STON2: variants seen among roughly 807,000 people sequenced by gnomAD.
STON2 encodes stonin 2.
A neutral mutation model predicts 65.7 loss-of-function variants in STON2; 29 were observed. The observed-to-expected ratio is 0.44, with a 90% CI of 0.33 to 0.60. STON2 has a LOEUF of 0.60. Ranked by LOEUF, STON2 falls within the 20% of genes least tolerant of loss-of-function variation. The pLI is 0.03. For synonymous variants in STON2, 404 were observed against 414.2 expected (o/e 0.98, Z 0.30); for missense variants, 1,054 against 1,118.1 (o/e 0.94, Z 0.82).
chr14:81,381,217 GA>G (rs2140394976), intron 3 of STON2, among the ~76,000 whole-genome samples: 1 of 152,270 alleles, frequency 6.6e-6, no homozygotes, highest in South Asian at 2.1e-4. Flanking sequence ...GTCAAAGTGT[GA>G]AGGCTATATA....
At chr14:81,432,222 G>A (rs143915708) in intron 1 of STON2, among the ~76,000 whole-genome samples, 20 of 152,170 alleles carry the variant, frequency 1.3e-4, no homozygotes, top group East Asian at 3.9e-4. Flanking sequence ...TTTATTTCCC[G>A]TGTCACATTA....
At position 81,269,589 on chromosome 14, in the gene STON2, C is replaced by G. The variant is rs183844608; in HGVS notation, c.2784+1081G>C. The G allele has an allele frequency of 4.9e-3, 4,865 of 985,246 alleles. 16 individuals carry two copies. The highest frequency in any genetic ancestry group is 0.014 in the Middle Eastern group (27 of 1,914). The allele number at this position is 985,246 out of a possible 1,614,324, so 61.0% of individuals were successfully genotyped here. On this transcript the variant is annotated intron_variant, in intron 7 of 7. Coordinates refer to ENST00000614646, the MANE Select transcript of STON2 (RefSeq NM_001394390.1). ...ACAACAGTCAGGTTTGAGGGAGGTG[C>G]TATTTTTTTCCTAGCCACAAGATGG...
chr14:81,358,484 G>C (rs1048279091), intron 4 of STON2, among the ~76,000 whole-genome samples: 2 of 152,010 alleles, frequency 1.3e-5, no homozygotes, highest in Non-Finnish European at 2.9e-5. Flanking sequence ...AGAAAGGAAG[G>C]AAAATGTATC....
intron 5 of STON2, among the ~76,000 whole-genome samples, chr14:81,312,462 T>G (rs1896462568): frequency 6.6e-6 from 1 of 152,234 alleles, no homozygotes; most frequent in Admixed American, 6.5e-5. Context: ...TGCTTTCTAC[T>G]GAAACTTAAT....
chr14:81,343,209 T>C (rs749668566), intron 4 of STON2, among the ~76,000 whole-genome samples: 4 of 152,048 alleles, frequency 2.6e-5, no homozygotes, highest in East Asian at 1.9e-4. Context: ...GAGAATTGGA[T>C]TGATATATGC....
At chr14:81,365,488 G>T (rs865964705) in intron 4 of STON2, among the ~76,000 whole-genome samples, 2 of 152,194 alleles carry the variant, frequency 1.3e-5, no homozygotes, top group South Asian at 4.1e-4. Context: ...AGGTGCAGTG[G>T]CTCATGCCTT....
intron 5 of STON2, among the ~76,000 whole-genome samples, chr14:81,300,904 T>C (rs1353202359): frequency 6.6e-6 from 1 of 152,106 alleles, no homozygotes; most frequent in Non-Finnish European, 1.5e-5. Flanking sequence ...TTATTAATAA[T>C]AGTGAAAACC....
chr14:81,362,950 CAT>C (rs1319750076), intron 4 of STON2, among the ~76,000 whole-genome samples: 1 of 152,142 alleles, frequency 6.6e-6, no homozygotes, highest in Non-Finnish European at 1.5e-5. Flanking sequence ...GAAATAAGCA[CAT>C]GATGGGGGTT....
chr14:81,422,256 C>T (rs973836905), intron 2 of STON2, among the ~76,000 whole-genome samples: 6 of 152,036 alleles, frequency 3.9e-5, no homozygotes, highest in African/African-American at 9.7e-5. Flanking sequence ...TCAGTTCCTG[C>T]GAGAACTGAA....
In STON2 at chr14:81,277,104, C is replaced by G; in HGVS notation, c.2378G>C (p.Ser793Thr). ...CCTGCGGAAGTTTTTCACCCACTCA[C>G]TGGGCACAGGGTAACGGATCATCAC... ...ENVMIRYPVP[S>T]EWVKNFRRES... is the part of the protein sequence containing the mutation. Residue 793 changes from serine to threonine, a missense_variant, in exon 6 of 8, where the codon AGT becomes ACT. Ser to Thr is a moderately conservative substitution (Grantham distance 58, BLOSUM62 1). Coordinates refer to ENST00000614646, the MANE Select transcript of STON2 (RefSeq NM_001394390.1). The G allele has an allele frequency of 6.2e-7, 1 of 1,614,232 alleles. No homozygotes were observed. The highest frequency in any genetic ancestry group is 2.2e-5 in the East Asian group (1 of 44,888).
intron 5 of STON2, among the ~76,000 whole-genome samples, chr14:81,289,376 C>G (rs536780193): frequency 6.6e-6 from 1 of 152,130 alleles, no homozygotes; most frequent in South Asian, 2.1e-4. Flanking sequence ...AAAAAAGGAC[C>G]AGATTTATAA....
intron 4 of STON2, among the ~76,000 whole-genome samples, chr14:81,363,970 A>T (rs192314741): frequency 6.6e-6 from 1 of 152,188 alleles, no homozygotes. Flanking sequence ...AGAGACATGC[A>T]GCCCAGGCGA....
chr14:81,299,312 TGTAATA>T (rs1376429099), intron 5 of STON2, among the ~76,000 whole-genome samples: 1 of 152,204 alleles, frequency 6.6e-6, no homozygotes, highest in Non-Finnish European at 1.5e-5. Context: ...TTACATTAAC[TGTAATA>T]GTAATACTAT....
At chr14:81,391,073 T>C (rs1900056105) in intron 3 of STON2, among the ~76,000 whole-genome samples, 1 of 152,212 alleles carries the variant, frequency 6.6e-6, no homozygotes. Flanking sequence ...GGCCCACAGA[T>C]AATCCAGAAT....
chr14:81,433,249 G>C (rs1260643886), intron 1 of STON2, among the ~76,000 whole-genome samples: 1 of 152,250 alleles, frequency 6.6e-6, no homozygotes, highest in Non-Finnish European at 1.5e-5. Flanking sequence ...TTGAAGTCAT[G>C]TAACAGATGG....
rs970366586 is a variant in STON2, at chr14:81,431,240, G to A, written c.-309-4028C>T. On this transcript the variant is annotated intron_variant, in intron 1 of 8. Coordinates refer to the STON2 transcript ENST00000553821. The stretch of plus-strand genomic sequence containing the variant: ...TTCAGAAAGCACACCTTCAAGGTAT[G>A]ACTTGTCTCTCAAATCTCAACTGGA... Among the ~76,000 whole-genome samples the A allele has an allele frequency of 2.6e-5, 4 of 152,274 alleles. No individual in the cohort carries two copies. In the East Asian group the frequency reaches 5.8e-4, roughly 22 times the overall value.
Position 81,262,489 on chromosome 14 carries a change from T to C in STON2, c.*5925A>G, listed in dbSNP as rs1894189389. On this transcript the variant is annotated 3_prime_UTR_variant, in exon 8 of 8. Coordinates refer to ENST00000614646, the MANE Select transcript of STON2 (RefSeq NM_001394390.1). The stretch of plus-strand genomic sequence containing the variant: ...CTTACTTTTAACTTTAAGAGATGGC[T>C]TCTAGTTCAAGTATTTTGAGGCTTG... The C allele has an allele frequency of 1.0e-6, 1 of 985,218 alleles. No homozygotes were observed. The highest frequency in any genetic ancestry group is 1.2e-6 in the Non-Finnish European group (1 of 829,810). 61.0% of individuals were successfully genotyped at this position (985,218 alleles called of 1,614,324 possible). A position where few individuals can be genotyped will look rare whatever the true frequency, so the allele number is the denominator to read the frequency against.
intron 2 of STON2, among the ~76,000 whole-genome samples, chr14:81,422,333 A>C (rs1901745772): frequency 6.6e-6 from 1 of 152,124 alleles, no homozygotes; most frequent in Non-Finnish European, 1.5e-5. Flanking sequence ...TGATCTCTGC[A>C]CACCTGGGTC....
chr14:81,398,056 A>G (rs1308310249), intron 2 of STON2, among the ~76,000 whole-genome samples: 1 of 152,162 alleles, frequency 6.6e-6, no homozygotes, highest in Non-Finnish European at 1.5e-5. Flanking sequence ...TCTTGGGAGA[A>G]AAGAGCCACT....
Sources: allele counts gnomAD v4.1 joint callset (sites outside exome capture counted in the v4.1 genomes callset), GRCh38; gene constraint gnomAD v4.1.1; transcripts MANE v1.5; gene names NCBI Gene and HGNC (gene_info 2026-07-23, HGNC 2026-07-21).